Variants in LRRC41 observed in about 807,000 individuals in gnomAD.
The protein encoded by LRRC41 is leucine-rich repeat-containing protein 41.
In LRRC41, 17 loss-of-function variants were observed where a neutral mutation model predicts 72.1. The ratio of observed to expected loss-of-function variants is 0.24; its 90% CI spans 0.16 to 0.35. The LOEUF (loss-of-function observed/expected upper bound fraction) is 0.35, where lower values mean the gene tolerates loss of function less well. LRRC41 is among the 10% of genes least tolerant of loss of function. The pLI is 1.00. For missense variants in LRRC41, 759 were observed against 1,065.0 expected, an observed-to-expected ratio of 0.71 and a Z score of 4.00; for synonymous variants, 427 against 431.0, an observed-to-expected ratio of 0.99 and a Z score of 0.11.
Position 46,302,067 on chromosome 1 carries a change from C to A in LRRC41, c.199+1057G>T. On this transcript the variant is annotated intron_variant, in intron 1 of 9. Coordinates refer to ENST00000617190, the MANE Select transcript of LRRC41 (RefSeq NM_006369.5). The surrounding 1 kb of genome is among the most constrained non-coding windows in gnomAD (Gnocchi z 4.7). ...GGCCAGCGGTCCCCAACCCACAGCC[C>A]CGCCTCCCAGCCCAACTGGCCGGTT... 1.0e-6 allele frequency: 1 copy of A among 985,322 alleles called. No individual in the cohort carries two copies. Among genetic ancestry groups the A allele is most frequent in the East Asian group, 1.1e-4 (1 of 8,782 alleles). 61.0% of individuals were successfully genotyped at this position (985,322 alleles called of 1,614,324 possible).
In LRRC41 at chr1:46,303,263, T is replaced by C; in HGVS notation, c.60A>G (p.Ala20=). The change falls in exon 1 of 10, where the codon GCA becomes GCG. Residue 20 remains alanine (A), a synonymous_variant. Coordinates refer to ENST00000617190, the MANE Select transcript of LRRC41 (RefSeq NM_006369.5). ...RSCWFCEVAA[A]TTMEATSREA... ...CCCGGGACGTGGCCTCCATGGTCGT[T>C]GCCGCCGCTACCTCACAGAACCAGC... 6.5e-7 allele frequency: 1 copy of C among 1,546,106 alleles called. No individual in the cohort carries two copies. The highest frequency in any genetic ancestry group is 8.7e-7 in the Non-Finnish European group (1 of 1,146,838).
At chr1:46,297,903 G>A (rs1470037385) in intron 2 of LRRC41, among the ~76,000 whole-genome samples, 1 of 152,108 alleles carries the variant, frequency 6.6e-6, no homozygotes, top group Admixed American at 6.6e-5. Flanking sequence ...AAAGGATTAG[G>A]GTAAATGAGT....
At position 46,302,432 on chromosome 1, in the gene LRRC41, G is replaced by A. The variant is rs1320579270; in HGVS notation, c.199+692C>T. On this transcript the variant is annotated intron_variant, in intron 1 of 9. Coordinates refer to ENST00000617190, the MANE Select transcript of LRRC41 (RefSeq NM_006369.5). The surrounding 1 kb of genome is among the most constrained non-coding windows in gnomAD (Gnocchi z 4.7). Reference sequence around the variant, plus strand: ...GCGCTCCCTGTCCTGCGGGTCGCACGGTCGCTCGGTCGCTTAGTCAGTTTG... The same window carrying A: ...GCGCTCCCTGTCCTGCGGGTCGCACAGTCGCTCGGTCGCTTAGTCAGTTTG... 4.1e-6 allele frequency: 4 copies of A among 985,190 alleles called. No individual in the cohort carries two copies. Among genetic ancestry groups the A allele is most frequent in the East Asian group, 2.3e-4 (2 of 8,800 alleles). 61.0% of individuals were successfully genotyped at this position (985,190 alleles called of 1,614,324 possible). A position where few individuals can be genotyped will look rare whatever the true frequency, so the allele number is the denominator to read the frequency against.
In LRRC41 at chr1:46,286,035, G is replaced by T; in HGVS notation, c.822C>A (p.Ala274=). ...RLCGEASRGR[A]PSRDEGSLLL... Reference sequence around the variant, plus strand: ...AGAGGGACCCTTCATCTCGGGATGGGGCCCGGCCTCGGGAGGCCTCTCCAC... The same window carrying T: ...AGAGGGACCCTTCATCTCGGGATGGTGCCCGGCCTCGGGAGGCCTCTCCAC... Residue 274 remains alanine, a synonymous_variant, in exon 4 of 10, where the codon GCC becomes GCA. Coordinates refer to ENST00000617190, the MANE Select transcript of LRRC41 (RefSeq NM_006369.5). This position sits in a 1 kb window ranked among gnomAD's most constrained non-coding sequence, Gnocchi z 5.5. 6.3e-7 allele frequency: 1 copy of T among 1,589,048 alleles called. No individual in the cohort carries two copies. The highest frequency in any genetic ancestry group is 8.6e-7 in the Non-Finnish European group (1 of 1,166,136).
intron 3 of LRRC41, among the ~76,000 whole-genome samples, chr1:46,290,887 C>A (rs191617753): frequency 1.5e-5 from 2 of 136,038 alleles, no homozygotes; most frequent in Non-Finnish European, 3.1e-5. Context: ...GGATTACAGG[C>A]GTAAGCCACC....
At chr1:46,280,103 A>G in intron 7 of LRRC41, 89 bp downstream of exon 7, 1 of 1,020,912 alleles carries the variant, frequency 9.8e-7, no homozygotes. Flanking sequence ...ACACAAGGCC[A>G]AGAAAGGAAC....
chr1:46,290,306 G>A (rs1266954585), intron 3 of LRRC41, among the ~76,000 whole-genome samples: 1 of 152,146 alleles, frequency 6.6e-6, no homozygotes, highest in Admixed American at 6.5e-5. Flanking sequence ...CTACTTGGGA[G>A]GCTGAGGTGG....
In LRRC41 at chr1:46,278,122, A is replaced by G. The variant is rs1317322008; in HGVS notation, c.*743T>C. The G allele has an allele frequency of 6.2e-7, 1 of 1,613,842 alleles. No individual in the cohort carries two copies. The highest frequency in any genetic ancestry group is 1.3e-5 in the African/African-American group (1 of 74,932). ...AGCCGTCAGATCCGGCCACCCCCTG[A>G]TGGTTCTGACTGCACTTCAGACCTG... On this transcript the variant is annotated 3_prime_UTR_variant, in exon 10 of 10. Transcript: ENST00000617190.
chr1:46,288,671 A>G (rs574382096), intron 3 of LRRC41, among the ~76,000 whole-genome samples: 29 of 152,184 alleles, frequency 1.9e-4, no homozygotes, highest in Non-Finnish European at 4.1e-4. Flanking sequence ...TGCTGTCCTC[A>G]AGCAAAAGTG....
Position 46,303,552 on chromosome 1 carries a change from C to T in LRRC41, c.-230G>A. The T allele has an allele frequency of 1.3e-6, 1 of 775,130 alleles. No homozygotes were observed. The highest frequency in any genetic ancestry group is 2.7e-5 in the East Asian group (1 of 37,018). 48.0% of individuals were successfully genotyped at this position (775,130 alleles called of 1,614,324 possible). On this transcript the variant is annotated 5_prime_UTR_variant, in exon 1 of 10. Transcript: ENST00000617190. ...ACTAAGGGGATGTTTCTTAGCAAAG[C>T]CTCCTCGGGTGCAAACATCAGCTAC...
intron 5 of LRRC41, 21 bp downstream of exon 5, chr1:46,281,094 CACACACACAA>C: frequency 6.2e-7 from 1 of 1,610,038 alleles, no homozygotes; most frequent in Non-Finnish European, 8.5e-7. Context: ...CACGTGCGTG[CACACACACAA>C]ACACACACAC....
chr1:46,295,078 A>G (rs547256966), intron 3 of LRRC41, among the ~76,000 whole-genome samples: 1 of 151,072 alleles, frequency 6.6e-6, no homozygotes, highest in East Asian at 2.0e-4. Flanking sequence ...TAGTTTTTTG[A>G]GACAGGGTCT....
At position 46,297,645 on chromosome 1, in the gene LRRC41, A is replaced by T; in HGVS notation, c.287-12T>A. 1 of 1,606,824 alleles carries T rather than the reference A, an allele frequency of 6.2e-7. No homozygotes were observed. The highest frequency in any genetic ancestry group is 8.5e-7 in the Non-Finnish European group (1 of 1,173,358). On this transcript the variant is annotated splice_polypyrimidine_tract_variant and intron_variant, in intron 2 of 9. Coordinates refer to ENST00000617190, the MANE Select transcript of LRRC41 (RefSeq NM_006369.5). ...CTGAGTTGAGAGGCCTGTAAGGAGA[A>T]ATATCACACTTGGCTGCTTACTGGC...
Position 46,302,503 on chromosome 1 carries a change from C to G in LRRC41, c.199+621G>C. On this transcript the variant is annotated intron_variant, in intron 1 of 9. Transcript: ENST00000617190. This position sits in a 1 kb window ranked among gnomAD's most constrained non-coding sequence, Gnocchi z 4.7. ...CGGTTCGCTCCCGTCAGCCCTGGGC[C>G]GTCAGACAGGCCGCGGCGCCCCGAC... 2.0e-6 allele frequency: 2 copies of G among 985,448 alleles called. No individual in the cohort carries two copies. The highest frequency in any genetic ancestry group is 2.4e-6 in the Non-Finnish European group (2 of 829,924). The allele number at this position is 985,448 out of a possible 1,614,324, so 61.0% of individuals were successfully genotyped here. A position where few individuals can be genotyped will look rare whatever the true frequency, so the allele number is the denominator to read the frequency against.
In LRRC41 at chr1:46,286,644, A is replaced by G. The variant is rs1274217445; in HGVS notation, c.358-145T>C. 2.8e-5 allele frequency: 23 copies of G among 814,872 alleles called. No individual in the cohort carries two copies. The highest frequency in any genetic ancestry group is 4.3e-5 in the Non-Finnish European group (23 of 536,390). 50.5% of individuals were successfully genotyped at this position (814,872 alleles called of 1,614,324 possible). Reference sequence around the variant, plus strand: ...TCACATCTCTGAGGTATGTATTATTATTAGCCCTATTTTACAGGTAAAACC... The same window carrying G: ...TCACATCTCTGAGGTATGTATTATTGTTAGCCCTATTTTACAGGTAAAACC... On this transcript the variant is annotated intron_variant, in intron 3 of 9. Transcript: ENST00000617190. This position sits in a 1 kb window ranked among gnomAD's most constrained non-coding sequence, Gnocchi z 5.5.
intron 3 of LRRC41, among the ~76,000 whole-genome samples, chr1:46,295,036 C>T (rs1661095493): frequency 6.6e-6 from 1 of 151,866 alleles, no homozygotes; most frequent in Admixed American, 6.6e-5. Context: ...TCCAGAGTAT[C>T]TATTCTATTA....
Position 46,302,827 on chromosome 1 carries a change from G to T in LRRC41, c.199+297C>A. ...GTGTCAGTTCGCGCGGCCCACAGCC[G>T]CAATCCAGCCTCAGTCGCCCGGGCC... is the stretch of plus-strand genomic sequence containing the variant. On this transcript the variant is annotated intron_variant, in intron 1 of 9. Coordinates refer to ENST00000617190, the MANE Select transcript of LRRC41 (RefSeq NM_006369.5). The surrounding 1 kb of genome is among the most constrained non-coding windows in gnomAD (Gnocchi z 4.7). 1 of 985,048 alleles carries T rather than the reference G, an allele frequency of 1.0e-6. No homozygotes were observed. The highest frequency in any genetic ancestry group is 1.2e-6 in the Non-Finnish European group (1 of 829,812). The allele number at this position is 985,048 out of a possible 1,614,324, so 61.0% of individuals were successfully genotyped here. A position where few individuals can be genotyped will look rare whatever the true frequency, so the allele number is the denominator to read the frequency against.
chr1:46,302,237 G>C lies in LRRC41; in HGVS notation c.199+887C>G, dbSNP rs1460521508. The stretch of plus-strand genomic sequence containing the variant: ...TTGGCGGCGCCGCGCCCCCTGCCAC[G>C]GCAGCCCGGCAGTCCGGGATCCCCG... On this transcript the variant is annotated intron_variant, in intron 1 of 9. Transcript: ENST00000617190. The surrounding 1 kb of genome is among the most constrained non-coding windows in gnomAD (Gnocchi z 4.7). 1.0e-6 allele frequency: 1 copy of C among 985,126 alleles called. No homozygotes were observed. The highest frequency in any genetic ancestry group is 1.2e-6 in the Non-Finnish European group (1 of 829,864). The allele number at this position is 985,126 out of a possible 1,614,324, so 61.0% of individuals were successfully genotyped here. A position where few individuals can be genotyped will look rare whatever the true frequency, so the allele number is the denominator to read the frequency against.
In LRRC41 at chr1:46,302,252, C is replaced by T. The variant is rs1661250709; in HGVS notation, c.199+872G>A. On this transcript the variant is annotated intron_variant, in intron 1 of 9. Transcript: ENST00000617190. This position sits in a 1 kb window ranked among gnomAD's most constrained non-coding sequence, Gnocchi z 4.7. ...CCCCTGCCACGGCAGCCCGGCAGTC[C>T]GGGATCCCCGGGCCGTCGCCCCGCT... 4.1e-6 allele frequency: 4 copies of T among 985,402 alleles called. No individual in the cohort carries two copies. The highest frequency in any genetic ancestry group is 5.2e-4 in the Middle Eastern group (1 of 1,914). The allele number at this position is 985,402 out of a possible 1,614,324, so 61.0% of individuals were successfully genotyped here. A position where few individuals can be genotyped will look rare whatever the true frequency, so the allele number is the denominator to read the frequency against.
Sources: gnomAD v4.1 joint callset for allele counts (sites outside exome capture counted in the v4.1 genomes callset) on GRCh38, gnomAD v4.1.1 for gene constraint, Gnocchi (gnomAD v3.1) non-coding constraint, MANE v1.5 for transcripts, NCBI Gene and HGNC (gene_info 2026-07-23, HGNC 2026-07-21) for gene names.